VWC2: variants seen among roughly 807,000 people sequenced by gnomAD.
VWC2 encodes brorin.
In VWC2, 14 loss-of-function variants were observed where a neutral mutation model predicts 29.8. The ratio of observed to expected loss-of-function variants is 0.47; its 90% confidence interval spans 0.31 to 0.74. The LOEUF is 0.74. VWC2 is among the 30% of genes least tolerant of loss of function. The pLI is 0.05. For missense variants in VWC2, 457 were observed against 459.8 expected, an observed-to-expected ratio of 0.99 and a Z score of 0.05; for synonymous variants, 213 against 199.0, an observed-to-expected ratio of 1.07 and a Z score of -0.59.
chr7:49,792,104 C>A (rs541327291), intron 2 of VWC2, among the ~76,000 whole-genome samples: 1 of 152,322 alleles, frequency 6.6e-6, no homozygotes, highest in South Asian at 2.1e-4. Context: ...TGGCCCTCCA[C>A]ATCCACAGAT....
intron 3 of VWC2, among the ~76,000 whole-genome samples, chr7:49,863,059 G>A (rs909680383): frequency 2.0e-5 from 3 of 152,166 alleles, no homozygotes; most frequent in Non-Finnish European, 4.4e-5. Context: ...TTTGTTATAT[G>A]TCTGAAATAA....
At chr7:49,801,959 C>T (rs898470038) in intron 2 of VWC2, among the ~76,000 whole-genome samples, 3 of 152,150 alleles carry the variant, frequency 2.0e-5, no homozygotes, top group Non-Finnish European at 4.4e-5. Flanking sequence ...CCAGTGTCTT[C>T]GTAACTGGAA....
At chr7:49,814,956 C>T (rs1789102022) in intron 3 of VWC2, among the ~76,000 whole-genome samples, 1 of 152,216 alleles carries the variant, frequency 6.6e-6, no homozygotes, top group African/African-American at 2.4e-5. Context: ...AGCCACAGTC[C>T]TAATCCCATT....
intron 3 of VWC2, among the ~76,000 whole-genome samples, chr7:49,838,541 T>A (rs1562724978): frequency 6.6e-6 from 1 of 151,974 alleles, no homozygotes; most frequent in East Asian, 1.9e-4. Context: ...GCTAGAGTTC[T>A]CCCAGGGCTA....
intron 3 of VWC2, among the ~76,000 whole-genome samples, chr7:49,854,621 T>A (rs1276398528): frequency 2.6e-5 from 4 of 152,362 alleles, no homozygotes; most frequent in East Asian, 1.9e-4. Context: ...TAGCCCTTTG[T>A]CAGATAAGTA....
At chr7:49,896,957 G>A (rs1278119430) in intron 3 of VWC2, among the ~76,000 whole-genome samples, 8 of 140,494 alleles carry the variant, frequency 5.7e-5, no homozygotes, top group Admixed American at 7.6e-5. Context: ...CTGCAGTGGC[G>A]CAATCTCGGC....
chr7:49,906,888 A>G (rs972739719), intron 3 of VWC2, among the ~76,000 whole-genome samples: 2 of 152,228 alleles, frequency 1.3e-5, no homozygotes, highest in African/African-American at 4.8e-5. Context: ...TTACTAATCA[A>G]TTCCAGCAAT....
At chr7:49,803,313 C>T (rs530637154) in intron 3 of VWC2, among the ~76,000 whole-genome samples, 32 of 152,324 alleles carry the variant, frequency 2.1e-4, no homozygotes, top group African/African-American at 7.2e-4. Context: ...GCCTTGCTTA[C>T]TTTATGAAAA....
intron 3 of VWC2, among the ~76,000 whole-genome samples, chr7:49,818,822 T>TTA (rs952118413): frequency 2.0e-5 from 3 of 147,712 alleles, no homozygotes; most frequent in South Asian, 2.1e-4. Flanking sequence ...ACAGCCTCCT[T>TTA]TATATATATA....
At chr7:49,790,164 TC>T in intron 2 of VWC2, among the ~76,000 whole-genome samples, 1 of 152,256 alleles carries the variant, frequency 6.6e-6, no homozygotes, top group Non-Finnish European at 1.5e-5. Flanking sequence ...CCTAGCAAGT[TC>T]CTGTTGATCT....
intron 2 of VWC2, among the ~76,000 whole-genome samples, chr7:49,796,399 T>C (rs925417552): frequency 1.3e-5 from 2 of 152,158 alleles, no homozygotes; most frequent in African/African-American, 2.4e-5. Context: ...AGCAGTGGGA[T>C]TTCCTGGCAC....
chr7:49,843,284 A>G (rs1789842223), intron 3 of VWC2, among the ~76,000 whole-genome samples: 1 of 152,198 alleles, frequency 6.6e-6, no homozygotes, highest in Non-Finnish European at 1.5e-5. Flanking sequence ...TCATTTTCTC[A>G]TGGGTGAGCC....
At chr7:49,777,190 G>A (rs1026383492) in intron 2 of VWC2, among the ~76,000 whole-genome samples, 7 of 152,158 alleles carry the variant, frequency 4.6e-5, no homozygotes, top group Non-Finnish European at 8.8e-5. Context: ...GGCCATAGCT[G>A]TCCTTTTCCC....
At chr7:49,856,265 C>T (rs1790412815) in intron 3 of VWC2, among the ~76,000 whole-genome samples, 1 of 152,086 alleles carries the variant, frequency 6.6e-6, no homozygotes, top group Admixed American at 6.5e-5. Flanking sequence ...TGGTGCTCTC[C>T]CCTTGGTAAT....
chr7:49,855,533 G>T (rs1011813980), intron 3 of VWC2, among the ~76,000 whole-genome samples: 1 of 152,200 alleles, frequency 6.6e-6, no homozygotes, highest in African/African-American at 2.4e-5. Context: ...AAGGCTCAGC[G>T]AGGACAGGTT....
intron 2 of VWC2, among the ~76,000 whole-genome samples, chr7:49,784,332 A>G (rs1217463153): frequency 6.6e-6 from 1 of 152,228 alleles, no homozygotes; most frequent in African/African-American, 2.4e-5. Flanking sequence ...CACATTCTAT[A>G]TTCATTTTTA....
At chr7:49,904,973 A>T (rs1304224026) in intron 3 of VWC2, among the ~76,000 whole-genome samples, 1 of 151,966 alleles carries the variant, frequency 6.6e-6, no homozygotes, top group East Asian at 1.9e-4. Flanking sequence ...TGACCTCATA[A>T]TCTACCCACC....
intron 3 of VWC2, among the ~76,000 whole-genome samples, chr7:49,818,570 A>G (rs544627562): frequency 5.0e-4 from 76 of 152,180 alleles, no homozygotes; most frequent in African/African-American, 1.7e-3. Context: ...GCAACATCCA[A>G]TCTGCATAGA....
At chr7:49,849,976 C>G (rs1375719259) in intron 3 of VWC2, among the ~76,000 whole-genome samples, 3 of 152,184 alleles carry the variant, frequency 2.0e-5, no homozygotes, top group African/African-American at 7.2e-5. Flanking sequence ...AGTACCACAG[C>G]AGGGTGTGGA....
Sources: gnomAD v4.1 joint callset for allele counts (sites outside exome capture counted in the v4.1 genomes callset) on GRCh38, gnomAD v4.1.1 for gene constraint, MANE v1.5 for transcripts, NCBI Gene and HGNC (gene_info 2026-07-23, HGNC 2026-07-21) for gene names.